The following INSL6 variants were observed in gnomAD, a reference collection of about 807,000 sequenced individuals.
INSL6 encodes insulin-like peptide INSL6.
A neutral mutation model predicts 9.4 loss-of-function variants in INSL6; 16 were observed. The ratio of observed to expected loss-of-function variants is 1.70; its 90% CI spans 1.15 to 2.59. INSL6 has a LOEUF of 2.59. Among genes scored for constraint, INSL6 ranks in the 30% most tolerant of loss-of-function variants. The probability of loss-of-function intolerance (pLI) is 0.00; values close to 1 mark genes in which losing one functional copy is unlikely to be tolerated. For synonymous variants in INSL6, 154 were observed against 96.9 expected (o/e 1.59, Z -3.46); for missense variants, 391 against 257.3 (o/e 1.52, Z -3.56).
chr9:5,111,003 C>T, the INSL6 span: 9 of 712,428 alleles, frequency 1.3e-5, no homozygotes, highest in Non-Finnish European at 2.2e-5. Context: ...TGCCCGTTGC[C>T]AACGGGAAGG....
chr9:5,059,242 CTAACT>C, the INSL6 span, among the ~76,000 whole-genome samples: 1 of 152,176 alleles, frequency 6.6e-6, no homozygotes, highest in Non-Finnish European at 1.5e-5. Context: ...ACCTCCACCC[CTAACT>C]TAAGATACCT....
chr9:5,010,952 A>G, the INSL6 span, among the ~76,000 whole-genome samples: 1 of 152,126 alleles, frequency 6.6e-6, no homozygotes, highest in East Asian at 1.9e-4. Flanking sequence ...CCCTACCAGT[A>G]CTTTGTCTTC....
At chr9:5,002,943 T>C in the INSL6 span, among the ~76,000 whole-genome samples, 1 of 151,996 alleles carries the variant, frequency 6.6e-6, no homozygotes, top group East Asian at 1.9e-4. Context: ...AGGTTATTTT[T>C]TGCCCCATAT....
chr9:5,040,094 C>T, the INSL6 span, among the ~76,000 whole-genome samples: 1 of 152,132 alleles, frequency 6.6e-6, no homozygotes, highest in Admixed American at 6.5e-5. Context: ...CAATGTGATA[C>T]TAAAGGATGA....
chr9:5,087,380 G>T, the INSL6 span, among the ~76,000 whole-genome samples: 4 of 152,298 alleles, frequency 2.6e-5, no homozygotes, highest in East Asian at 7.7e-4. Context: ...GCATGATTCA[G>T]TTGCCTCCCA....
At chr9:5,139,029 G>T (rs1013401694) in intron 2 of INSL6, among the ~76,000 whole-genome samples, 1 of 152,034 alleles carries the variant, frequency 6.6e-6, no homozygotes, top group African/African-American at 2.4e-5. Flanking sequence ...AAAACCATAT[G>T]TTATATTACT....
At chr9:5,162,533 G>A (rs1453095688), downstream of INSL6, among the ~76,000 whole-genome samples, 4 of 152,084 alleles carry the variant, frequency 2.6e-5, no homozygotes, top group East Asian at 7.7e-4. Context: ...AAACTGGATC[G>A]TGTACATGGC....
chr9:5,008,181 A>G, the INSL6 span, among the ~76,000 whole-genome samples: 1 of 152,218 alleles, frequency 6.6e-6, no homozygotes, highest in Non-Finnish European at 1.5e-5. Context: ...GTCTATACAT[A>G]AAGTCAATAT....
At chr9:5,076,054 C>G in the INSL6 span, among the ~76,000 whole-genome samples, 4 of 152,118 alleles carry the variant, frequency 2.6e-5, no homozygotes, top group Non-Finnish European at 5.9e-5. Flanking sequence ...AGAAGTGGAG[C>G]TTGAAGATGT....
chr9:5,005,055 T>C, the INSL6 span, among the ~76,000 whole-genome samples: 1 of 143,732 alleles, frequency 7.0e-6, no homozygotes, highest in African/African-American at 2.5e-5. Flanking sequence ...TAGTTGGGAC[T>C]GCAGGCATGT....
chr9:5,001,091 G>A, the INSL6 span, among the ~76,000 whole-genome samples: 1 of 152,192 alleles, frequency 6.6e-6, no homozygotes, highest in Non-Finnish European at 1.5e-5. Context: ...ATAAGTTCTA[G>A]TAATTTTTTG....
the INSL6 span, chr9:5,097,439 C>G: frequency 1.3e-5 from 2 of 152,064 alleles, no homozygotes; most frequent in Non-Finnish European, 2.9e-5. Flanking sequence ...ACGTATTACT[C>G]TGGAAAAAAG....
At chr9:5,007,922 T>A in the INSL6 span, among the ~76,000 whole-genome samples, 4 of 152,034 alleles carry the variant, frequency 2.6e-5, no homozygotes, top group Non-Finnish European at 5.9e-5. Context: ...GAGAACAGGG[T>A]CTCACTACAT....
chr9:5,089,537 C>CAA, the INSL6 span: 44 of 87,064 alleles, frequency 5.1e-4, no homozygotes, highest in South Asian at 2.3e-3. Context: ...GACTTCGTCT[C>CAA]AAAAAAAAAA....
the INSL6 span, chr9:5,110,732 C>A: frequency 2.8e-6 from 1 of 362,142 alleles, no homozygotes; most frequent in East Asian, 6.8e-5. Flanking sequence ...GGCTATAGTA[C>A]CCGTGTTATT....
Position 5,185,374 on chromosome 9 carries a change from G to T in INSL6, c.229C>A (p.Pro77Thr), listed in dbSNP as rs201847389. 14 of 1,614,020 alleles carry T rather than the reference G, an allele frequency of 8.7e-6. No homozygotes were observed. Among genetic ancestry groups the T allele is most frequent in the Non-Finnish European group, 1.2e-5 (14 of 1,180,022 alleles). ...QASEKVEAYS[P>T]YQFESPQTAS... Reference sequence around the variant, plus strand: ...GTTTGCGGGCTTTCGAACTGGTATGGGCTGTAGGCTTCGACCTTCTCCGAG... The same window carrying T: ...GTTTGCGGGCTTTCGAACTGGTATGTGCTGTAGGCTTCGACCTTCTCCGAG... The change falls in exon 1 of 2, where the codon CCA becomes ACA. Residue 77 changes from proline (P) to threonine (T), a missense_variant. Coordinates refer to ENST00000381641, the MANE Select transcript of INSL6 (RefSeq NM_007179.3).
chr9:5,172,161 T>G (rs1825196871), intron 1 of INSL6, among the ~76,000 whole-genome samples: 2 of 152,146 alleles, frequency 1.3e-5, no homozygotes, highest in Admixed American at 6.5e-5. Context: ...AGAATTTCTG[T>G]TCCAGAACTC....
chr9:5,006,715 C>G, the INSL6 span, among the ~76,000 whole-genome samples: 2 of 152,194 alleles, frequency 1.3e-5, no homozygotes, highest in South Asian at 2.1e-4. Flanking sequence ...ATGAGACTAG[C>G]AAAGCGTAAA....
At chr9:5,106,880 C>T in the INSL6 span, among the ~76,000 whole-genome samples, 1 of 151,974 alleles carries the variant, frequency 6.6e-6, no homozygotes, top group South Asian at 2.1e-4. Flanking sequence ...CAGGGAACAT[C>T]ACACAAAGGG....
Sources: gnomAD v4.1 joint callset for allele counts (sites outside exome capture counted in the v4.1 genomes callset) on GRCh38, gnomAD v4.1.1 for gene constraint, MANE v1.5 for transcripts, NCBI Gene and HGNC (gene_info 2026-07-23, HGNC 2026-07-21) for gene names.